Variants in ZC3H13 observed in about 807,000 individuals in gnomAD.
ZC3H13 encodes zinc finger CCCH domain-containing protein 13.
Under a neutral mutation model 204.1 loss-of-function variants are expected in ZC3H13, and 64 were observed. That is an observed-to-expected ratio of 0.31 (90% CI 0.26 to 0.39). The LOEUF (loss-of-function observed/expected upper bound fraction) is 0.39, where lower values mean the gene tolerates loss of function less well. ZC3H13 is among the 10% of genes least tolerant of loss of function. The pLI is 1.00. For missense variants in ZC3H13, 1,833 were observed against 2,082.7 expected, an observed-to-expected ratio of 0.88 and a Z score of 2.33; for synonymous variants, 667 against 693.7, an observed-to-expected ratio of 0.96 and a Z score of 0.60.
chr13:46,026,783 T>C (rs1246586987), intron 4 of ZC3H13, among the ~76,000 whole-genome samples: 2 of 152,090 alleles, frequency 1.3e-5, no homozygotes, highest in Admixed American at 6.5e-5. Context: ...ATGAGATTCA[T>C]GAGATTCAGC....
chr13:45,963,150 C>G lies in ZC3H13; in HGVS notation c.4675+692G>C, dbSNP rs1217305740. Reference sequence around the variant, plus strand: ...TGGTGGTATGATTATTCCTGACTTACAGATGATGACACTAACACACAGATT... The same window carrying G: ...TGGTGGTATGATTATTCCTGACTTAGAGATGATGACACTAACACACAGATT... On this transcript the variant is annotated intron_variant, in intron 17 of 18. Coordinates refer to ENST00000679008, the MANE Select transcript of ZC3H13 (RefSeq NM_001330564.2). 3.1e-6 allele frequency: 3 copies of G among 966,158 alleles called. No homozygotes were observed. In the Admixed American group the frequency reaches 1.8e-4, roughly 60 times the overall value. The allele number at this position is 966,158 out of a possible 1,614,324, so 59.8% of individuals were successfully genotyped here. A position where few individuals can be genotyped will look rare whatever the true frequency, so the allele number is the denominator to read the frequency against.
intron 12 of ZC3H13, among the ~76,000 whole-genome samples, chr13:45,971,610 T>G (rs1327478162): frequency 6.6e-6 from 1 of 152,148 alleles, no homozygotes; most frequent in African/African-American, 2.4e-5. Flanking sequence ...AGGCAAAGAC[T>G]TCATGGCCAA....
At position 45,955,172 on chromosome 13, in the gene ZC3H13, C is replaced by T. The variant is rs570508797; in HGVS notation, c.*1955G>A. On this transcript the variant is annotated 3_prime_UTR_variant, in exon 19 of 19. Transcript: ENST00000679008. The stretch of plus-strand genomic sequence containing the variant: ...ATTTATAGACTGGAAGATTGTTTTT[C>T]GGGAATACCAGTTTAACTGAGACTT... 39 of 152,180 alleles carry T rather than the reference C, an allele frequency of 2.6e-4. 1 individual carries two copies. The highest frequency in any genetic ancestry group is 1.9e-3 in the East Asian group (10 of 5,182). 9.4% of individuals were successfully genotyped at this position (152,180 alleles called of 1,614,324 possible).
rs1952192675 is a variant in ZC3H13, at chr13:45,967,491, A to C, written c.4321+13T>G. 1 of 1,531,982 alleles carries C rather than the reference A, an allele frequency of 6.5e-7. No individual in the cohort carries two copies. Among genetic ancestry groups the C allele is most frequent in the Non-Finnish European group, 8.7e-7 (1 of 1,144,904 alleles). The allele number at this position is 1,531,982 out of a possible 1,614,324, so 94.9% of individuals were successfully genotyped here. On this transcript the variant is annotated intron_variant, in intron 15 of 18. Transcript: ENST00000679008. ...AATAAAGCAGTATCACAGACAACAG[A>C]GGTAGCACTCACCTTCCAGACTCTC...
chr13:45,998,564 G>A (rs1372445162), intron 8 of ZC3H13, among the ~76,000 whole-genome samples: 1 of 151,846 alleles, frequency 6.6e-6, no homozygotes, highest in Non-Finnish European at 1.5e-5. Context: ...CAGGAGAATG[G>A]CATGAATCCA....
In ZC3H13 at chr13:45,969,231, G is replaced by GTGGAGGAGGAAGAAGAGAAGA. The variant is rs1952364541; in HGVS notation, c.3292_3312dup (p.Ser1098_Pro1104dup). On this transcript the variant is annotated inframe_insertion, in exon 14 of 19. Coordinates refer to ENST00000679008, the MANE Select transcript of ZC3H13 (RefSeq NM_001330564.2). ...GTAGCAGTGGCAGTAGCCACAGGCG[G>GTGGAGGAGGAAGAAGAGAAGA]TGGAGGAGGAAGAAGAGAAGATAGA... 1.2e-6 allele frequency: 2 copies of GTGGAGGAGGAAGAAGAGAAGA among 1,613,994 alleles called. No individual in the cohort carries two copies. Among genetic ancestry groups the GTGGAGGAGGAAGAAGAGAAGA allele is most frequent in the Non-Finnish European group, 1.7e-6 (2 of 1,180,006 alleles).
At chr13:46,023,814 G>T (rs896754293) in intron 4 of ZC3H13, among the ~76,000 whole-genome samples, 6 of 152,084 alleles carry the variant, frequency 3.9e-5, no homozygotes, top group Non-Finnish European at 8.8e-5. Context: ...GCTCCGCTCT[G>T]CCTAATGTTG....
intron 10 of ZC3H13, 39 bp from the exon 11 acceptor site, chr13:45,980,043 A>G (rs1241939466): frequency 6.6e-7 from 1 of 1,514,602 alleles, no homozygotes; most frequent in Non-Finnish European, 8.8e-7. Flanking sequence ...TACCACATAC[A>G]CTTTATTCAA....
intron 17 of ZC3H13, chr13:45,963,110 A>G: frequency 1.0e-6 from 1 of 966,762 alleles, no homozygotes; most frequent in Non-Finnish European, 1.2e-6. Context: ...TTTGCTCCTA[A>G]TTACCATAGG....
intron 12 of ZC3H13, among the ~76,000 whole-genome samples, chr13:45,971,725 T>C (rs1952599712): frequency 6.6e-6 from 1 of 152,056 alleles, no homozygotes. Context: ...ACCCATAGAA[T>C]GGGAGAAAAT....
intron 8 of ZC3H13, among the ~76,000 whole-genome samples, chr13:45,997,970 A>G (rs555435878): frequency 6.6e-6 from 1 of 152,332 alleles, no homozygotes; most frequent in Admixed American, 6.5e-5. Context: ...TCACTGCTGC[A>G]ATACCAGCTT....
Position 45,956,053 on chromosome 13 carries a change from C to T in ZC3H13, c.*1074G>A, listed in dbSNP as rs928466564. 8.5e-5 allele frequency: 13 copies of T among 152,118 alleles called. No individual in the cohort carries two copies. Among genetic ancestry groups the T allele is most frequent in the African/African-American group, 3.1e-4 (13 of 41,424 alleles). 9.4% of individuals were successfully genotyped at this position (152,118 alleles called of 1,614,324 possible). On this transcript the variant is annotated 3_prime_UTR_variant, in exon 19 of 19. Transcript: ENST00000679008. ...CATTTCAAATCCTTCTAAGAGTCCACTTCATGAGTTAAACATATACATATA... is the reference window on the plus strand; with the variant it reads ...CATTTCAAATCCTTCTAAGAGTCCATTTCATGAGTTAAACATATACATATA...
intron 5 of ZC3H13, among the ~76,000 whole-genome samples, chr13:46,018,914 G>A (rs2042067601): frequency 6.6e-6 from 1 of 152,068 alleles, no homozygotes; most frequent in Non-Finnish European, 1.5e-5. Flanking sequence ...TAGTATTTAG[G>A]AAAAGTTAGC....
In ZC3H13 at chr13:45,985,751, G is replaced by A. The variant is rs772937638; in HGVS notation, c.1266C>T (p.Gly422=). ...TTGAGTCCTTTTCTCTGTCTCGTTT[G>A]CCCCTAGTATCTGTAATGCAATTTT... ...RRHERREDTR[G]KRDREKDSRE... The change falls in exon 10 of 19, where the codon GGC becomes GGT. Residue 422 remains glycine, a synonymous_variant. Transcript: ENST00000679008. The A allele has an allele frequency of 1.9e-6, 3 of 1,601,238 alleles. No individual in the cohort carries two copies. The highest frequency in any genetic ancestry group is 1.7e-6 in the Non-Finnish European group (2 of 1,175,984).
In ZC3H13 at chr13:45,985,766, A is replaced by G; in HGVS notation, c.1256-5T>C. On this transcript the variant is annotated splice_region_variant and splice_polypyrimidine_tract_variant and intron_variant, in intron 9 of 18. Coordinates refer to ENST00000679008, the MANE Select transcript of ZC3H13 (RefSeq NM_001330564.2). ...TGTCTCGTTTGCCCCTAGTATCTGT[A>G]ATGCAATTTTGGAAATTGACTGTAA... 1 of 1,576,264 alleles carries G rather than the reference A, an allele frequency of 6.3e-7. No individual in the cohort carries two copies. The highest frequency in any genetic ancestry group is 8.6e-7 in the Non-Finnish European group (1 of 1,165,368).
chr13:46,035,934 G>C (rs1593782166), intron 4 of ZC3H13, among the ~76,000 whole-genome samples: 2 of 152,104 alleles, frequency 1.3e-5, no homozygotes, highest in Admixed American at 1.3e-4. Flanking sequence ...CCTTCCTCTA[G>C]AGTCAGTGCC....
At chr13:45,972,444 G>C (rs530279395) in intron 12 of ZC3H13, among the ~76,000 whole-genome samples, 9 of 152,136 alleles carry the variant, frequency 5.9e-5, no homozygotes, top group African/African-American at 1.9e-4. Context: ...GACTCAGAAG[G>C]GGGAGGGTGG....
chr13:45,988,934 A>G lies in ZC3H13; in HGVS notation c.1108T>C (p.Ser370Pro). ...QRTLTPPLRRSASPYPSHSLS... is the reference protein window; with the variant it reads ...QRTLTPPLRRPASPYPSHSLS... ...GAATGTGAAGGATAAGGAGAGGCAG[A>G]GCGTCGTAAAGGTGGAGTTAGTGTC... is the stretch of plus-strand genomic sequence containing the variant. Residue 370 changes from serine to proline, a missense_variant, in exon 9 of 19, where the codon TCT becomes CCT. By Grantham distance (74) the Ser-to-Pro change is moderately conservative. This residue lies in a region of ZC3H13 where 1,574 missense variants were observed against 1,757.2 expected (regional missense o/e 0.90). Transcript: ENST00000679008. The G allele has an allele frequency of 6.2e-7, 1 of 1,614,128 alleles. No individual in the cohort carries two copies. Among genetic ancestry groups the G allele is most frequent in the Non-Finnish European group, 8.5e-7 (1 of 1,180,024 alleles).
At chr13:46,026,509 C>T (rs59732851) in intron 4 of ZC3H13, among the ~76,000 whole-genome samples, 3,646 of 151,962 alleles carry the variant, frequency 0.024, 153 homozygotes, top group African/African-American at 0.084. Flanking sequence ...CTAGAAAATA[C>T]ACCTTTTTTT....
Sources: gnomAD v4.1 joint callset for allele counts (sites outside exome capture counted in the v4.1 genomes callset) on GRCh38, gnomAD v4.1.1 for gene constraint, gnomAD v4.1.1 regional missense constraint, MANE v1.5 for transcripts, NCBI Gene and HGNC (gene_info 2026-07-23, HGNC 2026-07-21) for gene names.